Variants in SMARCAL1 observed in about 807,000 individuals in gnomAD.
SMARCAL1 encodes SNF2 related chromatin remodeling annealing helicase 1.
In SMARCAL1, 58 loss-of-function variants were observed where a neutral mutation model predicts 94.5. That is an observed-to-expected ratio of 0.61 (90% CI 0.50 to 0.76). The LOEUF (loss-of-function observed/expected upper bound fraction) is 0.76. Among genes scored for constraint, SMARCAL1 ranks in the 30% least tolerant of loss-of-function variants. The pLI is 0.00. For synonymous variants in SMARCAL1, 422 were observed against 455.1 expected, an observed-to-expected ratio of 0.93 and a Z score of 0.93; for missense variants, 1,051 against 1,177.9, an observed-to-expected ratio of 0.89 and a Z score of 1.58.
At chr2:216,433,044 T>G (rs753926162) in intron 8 of SMARCAL1, among the ~76,000 whole-genome samples, 176 bp downstream of exon 8, 37 of 152,028 alleles carry the variant, frequency 2.4e-4, no homozygotes, top group Admixed American at 1.9e-3. Flanking sequence ...TTTTCTGGAT[T>G]AGAATCAGGT....
chr2:216,457,545 G>A (rs1387264127), intron 12 of SMARCAL1, among the ~76,000 whole-genome samples: 1 of 152,116 alleles, frequency 6.6e-6, no homozygotes, highest in East Asian at 1.9e-4. Context: ...ACTCAAAACT[G>A]CTCAACTACA....
In SMARCAL1 at chr2:216,475,226, C is replaced by T; in HGVS notation, c.2245-43C>T. The T allele has an allele frequency of 1.2e-6, 2 of 1,609,810 alleles. No homozygotes were observed. Among genetic ancestry groups the T allele is most frequent in the Non-Finnish European group, 1.7e-6 (2 of 1,177,476 alleles). Reference sequence around the variant, plus strand: ...CTGGGTGTGGTTTGCTGAGAAGCCCCCGGGGCTGTTGCCCACCTTGCTTCT... The same window carrying T: ...CTGGGTGTGGTTTGCTGAGAAGCCCTCGGGGCTGTTGCCCACCTTGCTTCT... On this transcript the variant is annotated intron_variant, in intron 14 of 17. Coordinates refer to ENST00000357276, the MANE Select transcript of SMARCAL1 (RefSeq NM_014140.4). This position sits in a 1 kb window ranked among gnomAD's most constrained non-coding sequence, Gnocchi z 4.4.
At chr2:216,476,119 A>C (rs897791195) in intron 15 of SMARCAL1, among the ~76,000 whole-genome samples, 3 of 152,210 alleles carry the variant, frequency 2.0e-5, no homozygotes, top group Non-Finnish European at 4.4e-5. Context: ...AACTGAGGAC[A>C]GAGATAAGAC....
At chr2:216,430,703 A>G (rs901011627) in intron 7 of SMARCAL1, among the ~76,000 whole-genome samples, 3 of 152,192 alleles carry the variant, frequency 2.0e-5, no homozygotes, top group African/African-American at 4.8e-5. Flanking sequence ...TGCTCTAAGG[A>G]TGCGGATAGA....
At chr2:216,443,501 G>C (rs903984620) in intron 10 of SMARCAL1, among the ~76,000 whole-genome samples, 3 of 151,364 alleles carry the variant, frequency 2.0e-5, no homozygotes, top group African/African-American at 7.3e-5. Flanking sequence ...CATTCTGTCT[G>C]TTCTTACCCA....
chr2:216,446,998 T>A lies in SMARCAL1; in HGVS notation c.1711-20T>A. 4 of 1,613,958 alleles carry A rather than the reference T, an allele frequency of 2.5e-6. No individual in the cohort carries two copies. The highest frequency in any genetic ancestry group is 3.4e-6 in the Non-Finnish European group (4 of 1,179,962). On this transcript the variant is annotated intron_variant, in intron 10 of 17. Transcript: ENST00000357276. The stretch of plus-strand genomic sequence containing the variant: ...TGCTCCTCCCTGTGTTCAGAGCACC[T>A]TTGGCTGTTTGTCTTTTAGGTTGCC...
intron 6 of SMARCAL1, among the ~76,000 whole-genome samples, chr2:216,425,636 G>A (rs1693817395): frequency 1.3e-5 from 2 of 152,184 alleles, no homozygotes; most frequent in Admixed American, 1.3e-4. Context: ...CAAGAAGAAT[G>A]AGGTTACATG....
In SMARCAL1 at chr2:216,464,495, G is replaced by A. The variant is rs1403568264; in HGVS notation, c.2071-102G>A. On this transcript the variant is annotated intron_variant, in intron 12 of 17. Coordinates refer to ENST00000357276, the MANE Select transcript of SMARCAL1 (RefSeq NM_014140.4). ...CCAGGGTCTCCTGACTCTGGTGACG[G>A]GTGGTTGAGATTTGTAAAGCGCATA... The A allele has an allele frequency of 1.4e-5, 12 of 881,314 alleles. No individual in the cohort carries two copies. The South Asian group carries it at 1.4e-4, about 11-fold the overall frequency. The allele number at this position is 881,314 out of a possible 1,614,324, so 54.6% of individuals were successfully genotyped here. A position where few individuals can be genotyped will look rare whatever the true frequency, so the allele number is the denominator to read the frequency against.
chr2:216,438,676 C>T (rs998606329), intron 10 of SMARCAL1, among the ~76,000 whole-genome samples, 191 bp downstream of exon 10: 3 of 152,170 alleles, frequency 2.0e-5, no homozygotes, highest in Admixed American at 6.5e-5. Context: ...TTCTTCCTAA[C>T]ATCCTGCTAA....
chr2:216,476,212 T>G (rs1695074983), intron 15 of SMARCAL1, among the ~76,000 whole-genome samples: 1 of 152,076 alleles, frequency 6.6e-6, no homozygotes, highest in Admixed American at 6.5e-5. Flanking sequence ...TTAATAATAT[T>G]GTGGTTTTTA....
intron 12 of SMARCAL1, chr2:216,451,507 T>C (rs1694448570): frequency 5.1e-6 from 1 of 197,680 alleles, no homozygotes; most frequent in Non-Finnish European, 1.1e-5. Context: ...GACATTCTTA[T>C]AACAAAATAG....
chr2:216,419,787 C>T (rs560332541), intron 4 of SMARCAL1, among the ~76,000 whole-genome samples: 8 of 152,018 alleles, frequency 5.3e-5, no homozygotes, highest in East Asian at 1.9e-4. Context: ...ACCAGCACTT[C>T]GGGAGGCTAA....
chr2:216,477,813 G>T (rs924115320), intron 16 of SMARCAL1, among the ~76,000 whole-genome samples: 33 of 152,042 alleles, frequency 2.2e-4, no homozygotes, highest in Non-Finnish European at 7.4e-5. Flanking sequence ...TCCACTGCTT[G>T]TCTCTGTTTC....
intron 5 of SMARCAL1, among the ~76,000 whole-genome samples, chr2:216,422,046 T>C (rs937999762): frequency 1.3e-5 from 2 of 152,082 alleles, no homozygotes; most frequent in Non-Finnish European, 2.9e-5. Flanking sequence ...TCCTTTGCCT[T>C]TCCTGCCCCC....
rs1695214278 is a variant in SMARCAL1 at position 216,482,159 on chromosome 2, G to C, written c.2626-579G>C. Among the ~76,000 whole-genome samples, 1 of 152,102 alleles carries C rather than the reference G, an allele frequency of 6.6e-6. No individual in the cohort carries two copies. The highest frequency in any genetic ancestry group is 2.4e-5 in the African/African-American group (1 of 41,416). On this transcript the variant is annotated intron_variant, in intron 17 of 17. Coordinates refer to ENST00000357276, the MANE Select transcript of SMARCAL1 (RefSeq NM_014140.4). The surrounding 1 kb of genome is among the most constrained non-coding windows in gnomAD (Gnocchi z 4.3). Reference sequence around the variant, plus strand: ...AGCCATGGCTGAACACAGAGATTTGGAAGTTGGGGGGCTGGGCACATGGTG... The same window carrying C: ...AGCCATGGCTGAACACAGAGATTTGCAAGTTGGGGGGCTGGGCACATGGTG...
chr2:216,415,558 T>C (rs1294280160), intron 3 of SMARCAL1, 43 bp downstream of exon 3: 1 of 1,496,634 alleles, frequency 6.7e-7, no homozygotes, highest in Non-Finnish European at 9.2e-7. Context: ...TTTTTTCTTA[T>C]TTTTGGAGTC....
intron 6 of SMARCAL1, among the ~76,000 whole-genome samples, chr2:216,424,203 A>G (rs1693783401): frequency 6.6e-6 from 1 of 152,242 alleles, no homozygotes; most frequent in Non-Finnish European, 1.5e-5. Flanking sequence ...CAGACTGACC[A>G]AGGAAAAGGG....
At position 216,447,145 on chromosome 2, in the gene SMARCAL1, G is replaced by A. The variant is rs1187912884; in HGVS notation, c.1838G>A (p.Cys613Tyr). 1.2e-6 allele frequency: 2 copies of A among 1,613,974 alleles called. No homozygotes were observed. The highest frequency in any genetic ancestry group is 2.2e-5 in the South Asian group (2 of 91,088). ...PQFHAFGLRY[C>Y]DAKRMPWGWD... ...TTTCATGCCTTTGGACTTCGCTACTGTGATGCCAAACGGGTATGTATTATC... is the reference window on the plus strand; with the variant it reads ...TTTCATGCCTTTGGACTTCGCTACTATGATGCCAAACGGGTATGTATTATC... The change falls in exon 11 of 18, where the codon TGT (cysteine) becomes TAT (tyrosine). Residue 613 changes from cysteine (C) to tyrosine (Y), a missense_variant. By Grantham distance (194) the Cys-to-Tyr change is radical. Around this residue, in one of 3 missense-constraint regions of SMARCAL1, gnomAD observed 642 missense variants for 754.7 expected, o/e 0.85. Transcript: ENST00000357276.
chr2:216,450,142 G>A (rs181106400), intron 11 of SMARCAL1, among the ~76,000 whole-genome samples: 110 of 152,300 alleles, frequency 7.2e-4, no homozygotes, highest in African/African-American at 2.3e-3. Context: ...GAGCCACTGC[G>A]TCTGGCCAGT....
Sources: allele counts gnomAD v4.1 joint callset (sites outside exome capture counted in the v4.1 genomes callset), GRCh38; gene constraint gnomAD v4.1.1; regional missense constraint gnomAD v4.1.1; non-coding constraint Gnocchi (gnomAD v3.1); transcripts MANE v1.5; gene names NCBI Gene and HGNC (gene_info 2026-07-23, HGNC 2026-07-21).